The following FAM114A2 variants were observed in gnomAD, a reference collection of about 807,000 sequenced individuals.
The protein encoded by FAM114A2 is family with sequence similarity 114 member A2.
A neutral mutation model predicts 58.4 loss-of-function variants in FAM114A2; 53 were observed. The ratio of observed to expected loss-of-function variants is 0.91; its 90% CI spans 0.73 to 1.14. The LOEUF is 1.14. Ranked by LOEUF, FAM114A2 falls within the 50% of genes most tolerant of loss-of-function variation. FAM114A2 has a pLI of 0.00. For missense variants in FAM114A2, 601 were observed against 581.1 expected (o/e 1.03, Z -0.35); for synonymous variants, 228 against 211.4 (o/e 1.08, Z -0.68).
chr5:154,033,954 G>C, intron 3 of FAM114A2, 71 bp from the exon 4 acceptor site: 1 of 956,120 alleles, frequency 1.0e-6, no homozygotes, highest in Non-Finnish European at 1.6e-6. Flanking sequence ...CAAACTTGAA[G>C]ATTTTTAAAA....
intron 3 of FAM114A2, among the ~76,000 whole-genome samples, 154 bp from the exon 4 acceptor site, chr5:154,034,037 G>C (rs1772370582): frequency 6.6e-6 from 1 of 151,942 alleles, no homozygotes; most frequent in Non-Finnish European, 1.5e-5. Context: ...TAAAAAAATT[G>C]ATTCATCATC....
chr5:153,998,624 T>A (rs1769746736), intron 11 of FAM114A2, among the ~76,000 whole-genome samples: 1 of 152,186 alleles, frequency 6.6e-6, no homozygotes, highest in African/African-American at 2.4e-5. Context: ...GTCAAGCAGA[T>A]GCCACTGCTA....
At chr5:154,036,031 AT>A (rs1055413769) in intron 1 of FAM114A2, among the ~76,000 whole-genome samples, 41 of 149,362 alleles carry the variant, frequency 2.7e-4, no homozygotes, top group African/African-American at 6.9e-4. Context: ...TTCTAATGAG[AT>A]TTTTTTTTTA....
chr5:154,020,412 CAAA>C (rs1771329417), intron 8 of FAM114A2, among the ~76,000 whole-genome samples: 1 of 151,098 alleles, frequency 6.6e-6, no homozygotes, highest in African/African-American at 2.4e-5. Flanking sequence ...GCGAGACTAA[CAAA>C]GAAGAGAGAA....
intron 12 of FAM114A2, among the ~76,000 whole-genome samples, chr5:153,996,991 T>TAAAAAAAA (rs57110256): frequency 1.1e-4 from 13 of 121,216 alleles, no homozygotes; most frequent in Non-Finnish European, 1.4e-4. Context: ...GAGCAAAACT[T>TAAAAAAAA]AAAAAAAAAA....
chr5:154,019,425 T>C (rs967776265), intron 8 of FAM114A2, among the ~76,000 whole-genome samples: 6 of 152,070 alleles, frequency 3.9e-5, no homozygotes, highest in Admixed American at 3.3e-4. Context: ...TCATGGATGG[T>C]AGAATCAACA....
At position 154,029,431 on chromosome 5, in the gene FAM114A2, T is replaced by G. The variant is rs1014731700; in HGVS notation, c.495+58A>C. On this transcript the variant is annotated intron_variant, in intron 5 of 13. Coordinates refer to ENST00000351797, the MANE Select transcript of FAM114A2 (RefSeq NM_018691.4). Reference sequence around the variant, plus strand: ...TGTTCAAAGAAAAGAGAGAGAAAGATATGCAAACCCATTATAATAATGGAA... The same window carrying G: ...TGTTCAAAGAAAAGAGAGAGAAAGAGATGCAAACCCATTATAATAATGGAA... The G allele has an allele frequency of 3.2e-6, 3 of 950,088 alleles. No homozygotes were observed. The African/African-American group carries it at 4.9e-5, about 15-fold the overall frequency. 58.9% of individuals were successfully genotyped at this position (950,088 alleles called of 1,614,324 possible).
intron 2 of FAM114A2, 33 bp downstream of exon 2, chr5:154,034,711 T>C (rs759888477): frequency 2.1e-6 from 3 of 1,456,866 alleles, no homozygotes; most frequent in South Asian, 2.3e-5. Flanking sequence ...AATATTTTAA[T>C]AGATACCCTA....
At chr5:153,995,742 T>C (rs1769515228) in intron 12 of FAM114A2, among the ~76,000 whole-genome samples, 1 of 152,214 alleles carries the variant, frequency 6.6e-6, no homozygotes, top group Non-Finnish European at 1.5e-5. Flanking sequence ...AACTCATTAT[T>C]ACTGGTTTCT....
intron 7 of FAM114A2, among the ~76,000 whole-genome samples, chr5:154,026,869 G>C (rs1044495364): frequency 1.5e-5 from 2 of 134,430 alleles, no homozygotes; most frequent in African/African-American, 5.5e-5. Context: ...TGGCAGCCTA[G>C]GCCAAAGAAA....
At chr5:154,006,644 CA>C (rs1181609605) in intron 9 of FAM114A2, among the ~76,000 whole-genome samples, 3 of 151,584 alleles carry the variant, frequency 2.0e-5, no homozygotes, top group Admixed American at 2.0e-4. Flanking sequence ...ATAATACAAA[CA>C]ATATGTTAAA....
chr5:154,023,790 G>GA (rs1019559227), intron 8 of FAM114A2, among the ~76,000 whole-genome samples: 1 of 151,268 alleles, frequency 6.6e-6, no homozygotes, highest in Non-Finnish European at 1.5e-5. Context: ...AAAAAAAATT[G>GA]AAAAAAACAG....
At chr5:154,011,800 G>T (rs1279460247) in intron 8 of FAM114A2, among the ~76,000 whole-genome samples, 1 of 152,194 alleles carries the variant, frequency 6.6e-6, no homozygotes, top group Non-Finnish European at 1.5e-5. Flanking sequence ...AGGAGAATAG[G>T]AAGAGTTTCA....
chr5:153,998,370 T>A (rs1457952684), intron 11 of FAM114A2, among the ~76,000 whole-genome samples: 1 of 152,200 alleles, frequency 6.6e-6, no homozygotes, highest in African/African-American at 2.4e-5. Flanking sequence ...AAAATTCATG[T>A]TGAAATTTGA....
intron 10 of FAM114A2, 114 bp downstream of exon 10, chr5:154,002,733 G>A: frequency 9.4e-7 from 1 of 1,064,264 alleles, no homozygotes; most frequent in Non-Finnish European, 1.4e-6. Context: ...TACAATCCTA[G>A]ATCACAAGGT....
chr5:154,026,401 T>A lies in FAM114A2; in HGVS notation c.911A>T (p.Lys304Ile). 1 of 1,563,048 alleles carries A rather than the reference T, an allele frequency of 6.4e-7. No homozygotes were observed. The highest frequency in any genetic ancestry group is 2.0e-5 in the Admixed American group (1 of 50,668). Residue 304 changes from lysine (K) to isoleucine (I), a missense_variant and splice_region_variant, in exon 8 of 14, where the codon AAA becomes ATA. By Grantham distance (102) the Lys-to-Ile change is moderately radical. Transcript: ENST00000351797. ...EFCEEEEEEKKGDEDFTKDIT... is the reference protein window; with the variant it reads ...EFCEEEEEEKIGDEDFTKDIT... ...CAGATACTAAATTTTCATATTACCT[T>A]TTTTCTCTTCTTCCTCTTCTTCACA...
chr5:154,016,464 C>T (rs919595394), intron 8 of FAM114A2, among the ~76,000 whole-genome samples: 1 of 152,144 alleles, frequency 6.6e-6, no homozygotes, highest in African/African-American at 2.4e-5. Flanking sequence ...CTATCTTCAG[C>T]CTCCTCAAAC....
At position 154,027,649 on chromosome 5, in the gene FAM114A2, C is replaced by A. The variant is rs533000256; in HGVS notation, c.631-315G>T. On this transcript the variant is annotated intron_variant, in intron 6 of 13. Transcript: ENST00000351797. Reference sequence around the variant, plus strand: ...CCAAGTAGCTGGGATTATAGGCATACGCCACCACGTCCAGCTAATTTTGGT... The same window carrying A: ...CCAAGTAGCTGGGATTATAGGCATAAGCCACCACGTCCAGCTAATTTTGGT... 4 of 208,052 alleles carry A rather than the reference C, an allele frequency of 1.9e-5. No individual in the cohort carries two copies. The East Asian group carries it at 4.4e-4, about 23-fold the overall frequency. The allele number at this position is 208,052 out of a possible 1,614,324, so 12.9% of individuals were successfully genotyped here.
At position 154,037,620 on chromosome 5, in the gene FAM114A2, C is replaced by A. The variant is rs951230440; in HGVS notation, c.-15+1237G>T. Among the ~76,000 whole-genome samples the A allele has an allele frequency of 2.6e-5, 4 of 152,158 alleles. No homozygotes were observed. In the East Asian group the frequency reaches 7.7e-4, roughly 29 times the overall value. ...CCAGGTTGCAACGCATCATTATCAT[C>A]ATCATAAATATATACAGTATACTAT... On this transcript the variant is annotated intron_variant, in intron 1 of 13. Transcript: ENST00000351797.
Sources: gnomAD v4.1 joint callset for allele counts (sites outside exome capture counted in the v4.1 genomes callset) on GRCh38, gnomAD v4.1.1 for gene constraint, MANE v1.5 for transcripts, NCBI Gene and HGNC (gene_info 2026-07-23, HGNC 2026-07-21) for gene names.